The following DENND2D variants were observed in gnomAD, a reference collection of about 807,000 sequenced individuals.
DENND2D encodes DENN domain-containing protein 2D.
A neutral mutation model predicts 59.8 loss-of-function variants in DENND2D; 37 were observed. The observed-to-expected ratio is 0.62, with a 90% CI of 0.48 to 0.81. DENND2D has a LOEUF of 0.81. Ranked by LOEUF, DENND2D falls within the 40% of genes least tolerant of loss-of-function variation. DENND2D has a pLI of 0.00. For synonymous variants in DENND2D, 219 were observed against 211.3 expected (o/e 1.04, Z -0.31); for missense variants, 525 against 579.7 (o/e 0.91, Z 0.97).
upstream of DENND2D, chr1:111,202,258 C>T (rs1658878132): frequency 6.6e-6 from 1 of 152,124 alleles, no homozygotes; most frequent in Non-Finnish European, 1.5e-5. Flanking sequence ...AAGAGAATAG[C>T]AAAATTAATA....
In DENND2D at chr1:111,199,669, C is replaced by T. The variant is rs200799162; in HGVS notation, c.197G>A (p.Arg66His). The T allele has an allele frequency of 1.9e-5, 31 of 1,614,114 alleles. 1 individual carries two copies. In the Admixed American group the frequency reaches 2.5e-4, roughly 13 times the overall value. The change falls in exon 2 of 12, where the codon CGT becomes CAT. Residue 66 changes from arginine to histidine, a missense_variant. Physicochemically the swap from Arg to His is conservative, Grantham distance 29. Coordinates refer to ENST00000357640, the MANE Select transcript of DENND2D (RefSeq NM_024901.5). The part of the protein sequence containing the change: ...YLLVVSLKKK[R>H]SEDDYEPIIT... ...TATAGGCTCGTAATCATCCTCTGAA[C>T]GCTTCTTTTTGAGAGAAACCACAAG...
Position 111,187,660 on chromosome 1 carries a change from A to G in DENND2D, c.1361T>C (p.Leu454Pro). ...CTGTTTCTTCTGTTCCTCATATTCA[A>G]GTATTTTCTGTTGGAAATAGCCTGT... Reference protein sequence around the residue: ...PPAGYFQQKILEYEEQKKQKK... With the variant: ...PPAGYFQQKIPEYEEQKKQKK... Residue 454 changes from leucine to proline, a missense_variant, in exon 12 of 12, where the codon CTT becomes CCT. Leu to Pro is a moderately conservative substitution (Grantham distance 98, BLOSUM62 -3). Transcript: ENST00000357640. 1 of 1,613,786 alleles carries G rather than the reference A, an allele frequency of 6.2e-7. No individual in the cohort carries two copies. Among genetic ancestry groups the G allele is most frequent in the Non-Finnish European group, 8.5e-7 (1 of 1,179,790 alleles).
At position 111,198,742 on chromosome 1, in the gene DENND2D, G is replaced by C. The variant is rs762577834; in HGVS notation, c.244C>G (p.Arg82Gly). Reference protein sequence around the residue: ...EPIITYQFPKRENLLRGQQEE... With the variant: ...EPIITYQFPKGENLLRGQQEE... Reference sequence around the variant, plus strand: ...TGCTGACCCCGAAGCAGGTTCTCCCGCTATAAGGCAAAGGAAAAGACAAGT... The same window carrying C: ...TGCTGACCCCGAAGCAGGTTCTCCCCCTATAAGGCAAAGGAAAAGACAAGT... Residue 82 changes from arginine to glycine, a missense_variant and splice_region_variant, in exon 3 of 12, where the codon CGG (arginine) becomes GGG (glycine). Transcript: ENST00000357640. The C allele has an allele frequency of 6.2e-7, 1 of 1,613,898 alleles. No homozygotes were observed. Among genetic ancestry groups the C allele is most frequent in the African/African-American group, 1.3e-5 (1 of 74,930 alleles).
At chr1:111,194,539 C>T in intron 7 of DENND2D, 39 bp downstream of exon 7, 1 of 1,608,994 alleles carries the variant, frequency 6.2e-7, no homozygotes, top group Non-Finnish European at 8.5e-7. Context: ...CCCAGGGATG[C>T]TGGGCAGTTC....
chr1:111,190,114 A>C (rs1657615265), intron 8 of DENND2D, among the ~76,000 whole-genome samples: 1 of 148,428 alleles, frequency 6.7e-6, no homozygotes, highest in Non-Finnish European at 1.5e-5. Context: ...CGGTGAGCCG[A>C]GATCGCGCCA....
chr1:111,192,358 C>G, intron 7 of DENND2D, 41 bp from the exon 8 acceptor site: 2 of 1,514,742 alleles, frequency 1.3e-6, no homozygotes, highest in Non-Finnish European at 1.8e-6. Flanking sequence ...GGGGCCCCTG[C>G]ACCACCATGC....
At position 111,198,752 on chromosome 1, in the gene DENND2D, A is replaced by G. The variant is rs1658503847; in HGVS notation, c.244-10T>C. On this transcript the variant is annotated splice_polypyrimidine_tract_variant and intron_variant, in intron 2 of 11. Coordinates refer to ENST00000357640, the MANE Select transcript of DENND2D (RefSeq NM_024901.5). ...GAAGCAGGTTCTCCCGCTATAAGGC[A>G]AAGGAAAAGACAAGTGGATGTGAAG... 1 of 1,613,960 alleles carries G rather than the reference A, an allele frequency of 6.2e-7. No individual in the cohort carries two copies. Among genetic ancestry groups the G allele is most frequent in the Non-Finnish European group, 8.5e-7 (1 of 1,179,924 alleles).
In DENND2D at chr1:111,197,976, A is replaced by G. The variant is rs767525892; in HGVS notation, c.370T>C (p.Phe124Leu). Residue 124 changes from phenylalanine (F) to leucine (L), a missense_variant, in exon 4 of 12, where the codon TTC becomes CTC. Phe to Leu is a conservative substitution (Grantham distance 22, BLOSUM62 0). Coordinates refer to ENST00000357640, the MANE Select transcript of DENND2D (RefSeq NM_024901.5). ...CTCCCATCCACATTGGTCAGAACGAAGGAGAAGGTCTCCCTAAGAAAGAGC... is the reference window on the plus strand; with the variant it reads ...CTCCCATCCACATTGGTCAGAACGAGGGAGAAGGTCTCCCTAAGAAAGAGC... ...LTEYPRETFS[F>L]VLTNVDGSRK... 1 of 1,614,138 alleles carries G rather than the reference A, an allele frequency of 6.2e-7. No homozygotes were observed. Among genetic ancestry groups the G allele is most frequent in the Admixed American group, 1.7e-5 (1 of 60,026 alleles).
At position 111,198,724 on chromosome 1, in the gene DENND2D, C is replaced by A; in HGVS notation, c.262G>T (p.Gly88Cys). ...AGCCGCTCCTCCTCCTCCTGCTGACCCCGAAGCAGGTTCTCCCGCTATAAG... is the reference window on the plus strand; with the variant it reads ...AGCCGCTCCTCCTCCTCCTGCTGACACCGAAGCAGGTTCTCCCGCTATAAG... Reference protein sequence around the residue: ...QFPKRENLLRGQQEEEERLLK... With the variant: ...QFPKRENLLRCQQEEEERLLK... Residue 88 changes from glycine to cysteine, a missense_variant, in exon 3 of 12, where the codon GGT becomes TGT. Gly to Cys is a radical substitution (Grantham distance 159). Around this residue, in one of 3 missense-constraint regions of DENND2D, gnomAD observed 253 missense variants for 246.4 expected, o/e 1.03. Coordinates refer to ENST00000357640, the MANE Select transcript of DENND2D (RefSeq NM_024901.5). 1.2e-6 allele frequency: 2 copies of A among 1,614,104 alleles called. No homozygotes were observed. Among genetic ancestry groups the A allele is most frequent in the Non-Finnish European group, 1.7e-6 (2 of 1,180,018 alleles).
chr1:111,188,838 G>T, intron 9 of DENND2D, 52 bp from the exon 10 acceptor site: 1 of 1,535,030 alleles, frequency 6.5e-7, no homozygotes, highest in Non-Finnish European at 9.0e-7. Flanking sequence ...GTGGAGTGAA[G>T]GTGGTTGGCA....
chr1:111,200,671 A>C, upstream of DENND2D: 1 of 1,341,130 alleles, frequency 7.5e-7, no homozygotes, highest in South Asian at 1.4e-5. Flanking sequence ...AGGCAGCAGA[A>C]GCCAGCACCA....
At chr1:111,187,991 A>G in intron 11 of DENND2D, 140 bp downstream of exon 11, 1 of 1,273,698 alleles carries the variant, frequency 7.9e-7, no homozygotes, top group Non-Finnish European at 1.1e-6. Flanking sequence ...GTTTCAGGTT[A>G]TGTCATTTCA....
upstream of DENND2D, chr1:111,201,453 C>T (rs1028943277): frequency 2.0e-5 from 3 of 152,296 alleles, no homozygotes; most frequent in African/African-American, 7.2e-5. Flanking sequence ...TGGGTGATCT[C>T]CACCCAACCC....
At chr1:111,198,070 G>T in intron 3 of DENND2D, 81 bp from the exon 4 acceptor site, 1 of 1,414,280 alleles carries the variant, frequency 7.1e-7, no homozygotes, top group Non-Finnish European at 9.8e-7. Flanking sequence ...AGAGGGTGGA[G>T]AGGAGGGCAA....
In DENND2D at chr1:111,197,248, G is replaced by A. The variant is rs367725831; in HGVS notation, c.432C>T (p.Ala144=). 1.2e-5 allele frequency: 19 copies of A among 1,612,300 alleles called. No individual in the cohort carries two copies. The highest frequency in any genetic ancestry group is 1.7e-4 in the Middle Eastern group (1 of 6,060). ...KIGYCRRLLP[A]GPGPRLPKVY... ...CTTTGGGAAGGCGAGGGCCAGGGCC[G>A]GCAGGCTGGGGAGGGACAGAGAGGC... The change falls in exon 5 of 12, where the codon GCC becomes GCT. Residue 144 remains alanine (A), a synonymous_variant. Coordinates refer to ENST00000357640, the MANE Select transcript of DENND2D (RefSeq NM_024901.5).
chr1:111,188,823 G>A (rs530496154), intron 9 of DENND2D, 37 bp from the exon 10 acceptor site: 10 of 1,580,306 alleles, frequency 6.3e-6, no homozygotes, highest in Non-Finnish European at 5.2e-6. Context: ...AAGCAGGAAG[G>A]AAGTGTGGAG....
chr1:111,191,799 C>T (rs182910604), intron 8 of DENND2D, among the ~76,000 whole-genome samples: 4 of 152,276 alleles, frequency 2.6e-5, no homozygotes, highest in South Asian at 4.1e-4. Context: ...TGGGACACCC[C>T]GAAGACTGCT....
intron 9 of DENND2D, 89 bp from the exon 10 acceptor site, chr1:111,188,875 T>G: frequency 9.0e-7 from 1 of 1,116,680 alleles, no homozygotes; most frequent in Non-Finnish European, 1.4e-6. Flanking sequence ...GCATGAATTC[T>G]ACACCCCCAC....
intron 6 of DENND2D, chr1:111,195,555 A>G (rs1658145593): frequency 4.0e-6 from 1 of 249,344 alleles, no homozygotes; most frequent in Admixed American, 5.2e-5. Context: ...GGACAGATGG[A>G]CGCTGTAAGG....
Sources: allele counts gnomAD v4.1 joint callset (sites outside exome capture counted in the v4.1 genomes callset), GRCh38; gene constraint gnomAD v4.1.1; regional missense constraint gnomAD v4.1.1; transcripts MANE v1.5; gene names NCBI Gene and HGNC (gene_info 2026-07-23, HGNC 2026-07-21).